The following IL5 variants were observed in gnomAD, a reference collection of about 807,000 sequenced individuals.
IL5 encodes the protein interleukin 5, also known as interleukin-5.
In IL5, 12 loss-of-function variants were observed where a neutral mutation model predicts 16.3. The observed-to-expected ratio is 0.74, with a 90% confidence interval of 0.47 to 1.20. IL5 has a LOEUF of 1.20. Ranked by LOEUF, IL5 falls within the 50% of genes most tolerant of loss-of-function variation. The pLI, the probability that IL5 is intolerant of heterozygous loss-of-function variation, is 0.00. For synonymous variants in IL5, 54 were observed against 56.6 expected (o/e 0.95, Z 0.21); for missense variants, 159 against 153.9 (o/e 1.03, Z -0.17).
chr5:132,542,076 C>A lies in IL5; in HGVS notation c.245G>T (p.Gly82Val). ...GTTTTTGAATAGTCTTTCCACAGTA[C>A]CCCCTTGCACAGTTTGACTCTCCAG... ...GTLESQTVQG[G>V]TVERLFKNLS... Residue 82 changes from glycine (G) to valine (V), a missense_variant, in exon 3 of 4, where the codon GGT becomes GTT. Physicochemically the swap from Gly to Val is moderately radical, Grantham distance 109. Coordinates refer to ENST00000231454, the MANE Select transcript of IL5 (RefSeq NM_000879.3). 2 of 1,613,248 alleles carry A rather than the reference C, an allele frequency of 1.2e-6. No individual in the cohort carries two copies. The highest frequency in any genetic ancestry group is 1.3e-5 in the African/African-American group (1 of 75,030).
chr5:132,553,224 C>T (rs2149827378), intron 1 of IL5, among the ~76,000 whole-genome samples: 1 of 152,296 alleles, frequency 6.6e-6, no homozygotes, highest in South Asian at 2.1e-4. Flanking sequence ...GTGCCAGTGT[C>T]TTGTAACAGT....
At chr5:132,546,514 G>T (rs184584612), upstream of IL5, among the ~76,000 whole-genome samples, 122 of 152,256 alleles carry the variant, frequency 8.0e-4, 1 homozygote, top group African/African-American at 2.8e-3. Context: ...TATTTCATTG[G>T]ATGTCTATAC....
intron 1 of IL5, among the ~76,000 whole-genome samples, chr5:132,552,797 G>C (rs1423916528): frequency 6.6e-6 from 1 of 152,070 alleles, no homozygotes; most frequent in Non-Finnish European, 1.5e-5. Flanking sequence ...GTGCAGTGGC[G>C]TGATCTTGGC....
At chr5:132,543,039 A>G in intron 2 of IL5, 55 bp downstream of exon 2, 4 of 1,321,028 alleles carry the variant, frequency 3.0e-6, no homozygotes, top group Non-Finnish European at 4.4e-6. Context: ...TACAGCTTAA[A>G]ACAGGAAATT....
intron 1 of IL5, among the ~76,000 whole-genome samples, chr5:132,554,880 T>C (rs1199390560): frequency 1.3e-5 from 2 of 152,216 alleles, no homozygotes; most frequent in Non-Finnish European, 2.9e-5. Flanking sequence ...AATTCTGATA[T>C]ATGCTACAGT....
At chr5:132,550,911 G>C (rs1227501278) in intron 1 of IL5, among the ~76,000 whole-genome samples, 5 of 152,170 alleles carry the variant, frequency 3.3e-5, no homozygotes, top group Admixed American at 2.6e-4. Flanking sequence ...CTTATTTGAA[G>C]ACAATGAGGA....
At chr5:132,543,556 C>A, upstream of IL5, 2 of 1,443,676 alleles carry the variant, frequency 1.4e-6, no homozygotes, top group East Asian at 2.3e-5. Flanking sequence ...AATTTATTGT[C>A]TGTCTTTGAG....
In IL5 at chr5:132,541,766, G is replaced by T; in HGVS notation, c.*45C>A. On this transcript the variant is annotated 3_prime_UTR_variant, in exon 4 of 4. Coordinates refer to ENST00000231454, the MANE Select transcript of IL5 (RefSeq NM_000879.3). ...GCCCTCATTCTCACTGCAGTAAAAT[G>T]TCCTTCTCCTCCAAAATCTTTGGCT... The T allele has an allele frequency of 7.9e-7, 1 of 1,272,260 alleles. No individual in the cohort carries two copies. Among genetic ancestry groups the T allele is most frequent in the Non-Finnish European group, 1.1e-6 (1 of 875,470 alleles). 78.8% of individuals were successfully genotyped at this position (1,272,260 alleles called of 1,614,324 possible).
At chr5:132,553,391 G>C (rs1193352927) in intron 1 of IL5, among the ~76,000 whole-genome samples, 1 of 152,086 alleles carries the variant, frequency 6.6e-6, no homozygotes, top group African/African-American at 2.4e-5. Context: ...AGATAATGTT[G>C]GGTACTTCAT....
At chr5:132,541,943 A>G (rs200328773) in intron 3 of IL5, 34 bp from the exon 4 acceptor site, 44 of 1,610,724 alleles carry the variant, frequency 2.7e-5, no homozygotes, top group Non-Finnish European at 3.6e-5. Flanking sequence ...TAGGTATTAC[A>G]GGAAACTGTC....
chr5:132,549,639 C>T (rs1260985171), intron 1 of IL5, among the ~76,000 whole-genome samples: 1 of 152,076 alleles, frequency 6.6e-6, no homozygotes, highest in Non-Finnish European at 1.5e-5. Flanking sequence ...TAACATCCAT[C>T]CTTTTGCCCT....
At chr5:132,551,624 G>A (rs1328169237) in intron 1 of IL5, among the ~76,000 whole-genome samples, 4 of 152,156 alleles carry the variant, frequency 2.6e-5, no homozygotes, top group South Asian at 2.1e-4. Flanking sequence ...CTCGCACCCT[G>A]AGCTGATGGG....
At chr5:132,548,656 T>C (rs1454526226) in intron 1 of IL5, among the ~76,000 whole-genome samples, 1 of 151,502 alleles carries the variant, frequency 6.6e-6, no homozygotes, top group Non-Finnish European at 1.5e-5. Flanking sequence ...AGTGTGTGTG[T>C]GTGCGTCTGT....
At chr5:132,555,476 C>T (rs565009487) in intron 1 of IL5, among the ~76,000 whole-genome samples, 4 of 152,166 alleles carry the variant, frequency 2.6e-5, no homozygotes, top group Admixed American at 2.6e-4. Context: ...GACGGTTGTA[C>T]GTGAGTATAC....
upstream of IL5, among the ~76,000 whole-genome samples, chr5:132,545,913 G>A (rs2706401): frequency 1.8e-4 from 27 of 151,662 alleles, no homozygotes; most frequent in Non-Finnish European, 3.7e-4. Flanking sequence ...GAGTGAGACT[G>A]TCTCAAAACA....
chr5:132,545,736 G>A (rs527748525), upstream of IL5, among the ~76,000 whole-genome samples: 9 of 152,220 alleles, frequency 5.9e-5, no homozygotes, highest in South Asian at 2.1e-4. Flanking sequence ...CACATTACCC[G>A]ATCATTCTGT....
chr5:132,544,302 G>C (rs1749749965), upstream of IL5, among the ~76,000 whole-genome samples: 2 of 152,174 alleles, frequency 1.3e-5, no homozygotes, highest in Non-Finnish European at 2.9e-5. Flanking sequence ...TTCAAATTCA[G>C]TCTCTTTCTG....
intron 1 of IL5, among the ~76,000 whole-genome samples, chr5:132,549,141 C>T (rs1401164863): frequency 6.6e-6 from 1 of 152,096 alleles, no homozygotes. Context: ...CTGCAACCTC[C>T]GCCTCCCAGG....
chr5:132,550,578 T>A (rs1230253174), intron 1 of IL5, among the ~76,000 whole-genome samples: 1 of 152,148 alleles, frequency 6.6e-6, no homozygotes, highest in Non-Finnish European at 1.5e-5. Context: ...CATCTCGGCC[T>A]CCCAAAGTGC....
Sources: gnomAD v4.1 joint callset for allele counts (sites outside exome capture counted in the v4.1 genomes callset) on GRCh38, gnomAD v4.1.1 for gene constraint, MANE v1.5 for transcripts, NCBI Gene and HGNC (gene_info 2026-07-23, HGNC 2026-07-21) for gene names.